Variants in SCP2 observed in about 807,000 individuals in gnomAD.
SCP2 encodes the protein SCP-2/3-oxoacyl-CoA thiolase.
Under a neutral mutation model 71.4 loss-of-function variants are expected in SCP2, and 48 were observed. The ratio of observed to expected loss-of-function variants is 0.67; its 90% CI spans 0.53 to 0.86. The LOEUF (loss-of-function observed/expected upper bound fraction) is 0.86. Ranked by LOEUF, SCP2 falls within the 40% of genes least tolerant of loss-of-function variation. SCP2 has a pLI of 0.00. For missense variants in SCP2, 560 were observed against 655.6 expected (o/e 0.85, Z 1.59); for synonymous variants, 220 against 218.1 (o/e 1.01, Z -0.08).
intron 1 of SCP2, among the ~76,000 whole-genome samples, chr1:52,940,839 CTCCTGGT>C (rs1313219211): frequency 6.7e-6 from 1 of 149,828 alleles, no homozygotes; most frequent in South Asian, 2.1e-4. Flanking sequence ...CAACCTCTGC[CTCCTGGT>C]TCAAGTGATT....
chr1:52,958,301 G>A (rs1376329196), intron 5 of SCP2, among the ~76,000 whole-genome samples: 5 of 151,342 alleles, frequency 3.3e-5, no homozygotes, highest in Non-Finnish European at 7.4e-5. Context: ...CACAATCTTG[G>A]CTCACTGCAA....
chr1:53,044,383 A>T (rs1663649515), intron 14 of SCP2, among the ~76,000 whole-genome samples: 1 of 152,196 alleles, frequency 6.6e-6, no homozygotes, highest in Non-Finnish European at 1.5e-5. Flanking sequence ...TTATTAAGGC[A>T]CAGATTATCT....
At chr1:53,014,600 G>A (rs1195566969) in intron 11 of SCP2, among the ~76,000 whole-genome samples, 1 of 151,798 alleles carries the variant, frequency 6.6e-6, no homozygotes, top group African/African-American at 2.4e-5. Context: ...ATTAAAAATG[G>A]TAAAATTAAA....
At chr1:53,017,895 C>T (rs1475490913) in intron 12 of SCP2, among the ~76,000 whole-genome samples, 2 of 152,136 alleles carry the variant, frequency 1.3e-5, no homozygotes, top group Non-Finnish European at 2.9e-5. Context: ...GCTCTTGTCA[C>T]CCAGGCTGCA....
At chr1:52,935,597 A>G (rs1653658366) in intron 1 of SCP2, among the ~76,000 whole-genome samples, 1 of 150,664 alleles carries the variant, frequency 6.6e-6, no homozygotes, top group African/African-American at 2.5e-5. Context: ...CAAAAAAAAA[A>G]AAAAAGAAAA....
intron 5 of SCP2, among the ~76,000 whole-genome samples, chr1:52,956,357 A>G (rs550731226): frequency 6.6e-6 from 1 of 152,300 alleles, no homozygotes; most frequent in African/African-American, 2.4e-5. Context: ...AGATTATACT[A>G]TTATCTAACT....
At chr1:52,992,628 A>G (rs1659600033) in intron 11 of SCP2, among the ~76,000 whole-genome samples, 1 of 152,212 alleles carries the variant, frequency 6.6e-6, no homozygotes, top group African/African-American at 2.4e-5. Context: ...GCAGTTTTTA[A>G]TCCATAAATA....
At chr1:52,974,506 T>C (rs771397129) in intron 6 of SCP2, among the ~76,000 whole-genome samples, 2 of 152,216 alleles carry the variant, frequency 1.3e-5, no homozygotes, top group African/African-American at 2.4e-5. Flanking sequence ...GAAACTGGGT[T>C]CTACTTATTT....
intron 11 of SCP2, among the ~76,000 whole-genome samples, chr1:52,989,619 G>T (rs1659292194): frequency 6.6e-6 from 1 of 152,094 alleles, no homozygotes; most frequent in Non-Finnish European, 1.5e-5. Context: ...CAGTGTCCTG[G>T]TAAACCCCAC....
At chr1:52,947,201 C>G (rs927696728) in intron 2 of SCP2, among the ~76,000 whole-genome samples, 2 of 123,422 alleles carry the variant, frequency 1.6e-5, no homozygotes. Flanking sequence ...GAGTTATGAT[C>G]ACACCACTGC....
intron 5 of SCP2, among the ~76,000 whole-genome samples, chr1:52,960,954 G>A (rs1656374283): frequency 6.6e-6 from 1 of 151,138 alleles, no homozygotes; most frequent in Non-Finnish European, 1.5e-5. Context: ...GGTTCACCAT[G>A]TTGGCCAGGC....
intron 13 of SCP2, among the ~76,000 whole-genome samples, chr1:53,031,315 C>G (rs541511847): frequency 1.4e-4 from 22 of 152,314 alleles, no homozygotes; most frequent in Admixed American, 1.2e-3. Context: ...ATTCTTTTCT[C>G]TATAACCTCC....
chr1:53,031,179 T>A (rs1662521093), intron 13 of SCP2, among the ~76,000 whole-genome samples: 1 of 152,226 alleles, frequency 6.6e-6, no homozygotes, highest in Non-Finnish European at 1.5e-5. Flanking sequence ...TTATCTACTA[T>A]GAAGTATGAG....
chr1:53,050,852 T>G lies in SCP2; in HGVS notation c.*148T>G, dbSNP rs1322195169. 6 of 647,854 alleles carry G rather than the reference T, an allele frequency of 9.3e-6. No homozygotes were observed. The Admixed American group carries it at 1.4e-4, about 15-fold the overall frequency. 40.1% of individuals were successfully genotyped at this position (647,854 alleles called of 1,614,324 possible). A position where few individuals can be genotyped will look rare whatever the true frequency, so the allele number is the denominator to read the frequency against. ...CTTAATGGGTGTGACCAATCCTGTT[T>G]TTCCTATGCTCTGGGTGAATAGAGC... On this transcript the variant is annotated 3_prime_UTR_variant, in exon 16 of 16. Transcript: ENST00000371514.
intron 9 of SCP2, among the ~76,000 whole-genome samples, chr1:52,979,552 A>G (rs1437992407): frequency 6.6e-6 from 1 of 152,172 alleles, no homozygotes; most frequent in Non-Finnish European, 1.5e-5. Context: ...TGTTAAGAAC[A>G]TGGACTTTGG....
rs539640284 is a variant in SCP2 at position 52,940,606 on chromosome 1, A to G, written c.70-1190A>G. Among the ~76,000 whole-genome samples the G allele has an allele frequency of 1.5e-3, 224 of 152,258 alleles. 1 individual carries two copies. Among genetic ancestry groups the G allele is most frequent in the Middle Eastern group, 3.4e-3 (1 of 292 alleles). On this transcript the variant is annotated intron_variant, in intron 1 of 15. Coordinates refer to ENST00000371514, the MANE Select transcript of SCP2 (RefSeq NM_002979.5). ...TTCTTATCTGTAATGCACGGAACCT[A>G]CCTTTTAGGATGGTTGTGAGGATTA...
intron 1 of SCP2, among the ~76,000 whole-genome samples, chr1:52,934,072 A>G (rs1052529298): frequency 1.3e-5 from 2 of 152,256 alleles, no homozygotes; most frequent in Non-Finnish European, 2.9e-5. Context: ...GATTTGCATT[A>G]TGAGCTAAAC....
intron 11 of SCP2, chr1:52,995,011 G>C (rs567331183): frequency 7.9e-6 from 4 of 507,546 alleles, no homozygotes; most frequent in Non-Finnish European, 1.6e-5. Flanking sequence ...TGGTCAATCT[G>C]GGGCAGGCAA....
chr1:52,941,837 C>T lies in SCP2; in HGVS notation c.111C>T (p.Asp37=). 1 of 1,606,448 alleles carries T rather than the reference C, an allele frequency of 6.2e-7. No homozygotes were observed. Among genetic ancestry groups the T allele is most frequent in the South Asian group, 1.1e-5 (1 of 90,934 alleles). ...CTGAGAATTCAAGAGACTACCCTGA[C>T]TTGGCAGAAGAAGCAGGTAACATAG... ...PGAENSRDYP[D]LAEEAGKKAL... is the part of the protein sequence containing the mutation. Residue 37 remains aspartate (D), a synonymous_variant, in exon 2 of 16, where the codon GAC becomes GAT. Transcript: ENST00000371514.
Sources: allele counts gnomAD v4.1 joint callset (sites outside exome capture counted in the v4.1 genomes callset), GRCh38; gene constraint gnomAD v4.1.1; transcripts MANE v1.5; gene names NCBI Gene and HGNC (gene_info 2026-07-23, HGNC 2026-07-21).